FRMPD4: variants seen among roughly 807,000 people sequenced by gnomAD.
FRMPD4 encodes the protein FERM and PDZ domain-containing protein 4.
Under a neutral mutation model 94.1 loss-of-function variants are expected in FRMPD4, and 22 were observed. That is an observed-to-expected ratio of 0.23 (90% CI 0.17 to 0.33). The LOEUF is 0.33. Ranked by LOEUF, FRMPD4 falls within the 10% of genes least tolerant of loss-of-function variation. The pLI, the probability that FRMPD4 is intolerant of heterozygous loss-of-function variation, is 1.00. For synonymous variants in FRMPD4, 631 were observed against 548.6 expected (o/e 1.15, Z -2.10); for missense variants, 1,111 against 1,339.9 (o/e 0.83, Z 2.67).
intron 3 of FRMPD4, among the ~76,000 whole-genome samples, chrX:12,078,100 G>A (rs1055567663): frequency 9.0e-6 from 1 of 111,212 alleles, no homozygotes; most frequent in African/African-American, 3.3e-5. Flanking sequence ...ATCTCCTTGA[G>A]GTCGTAGAAC....
chrX:12,013,475 C>T (rs760008713), intron 3 of FRMPD4, among the ~76,000 whole-genome samples: 1 of 112,478 alleles, frequency 8.9e-6, no homozygotes, highest in Non-Finnish European at 1.9e-5. Flanking sequence ...GTTTTGGCTG[C>T]AGTGCCAGTC....
chrX:12,606,877 G>A (rs1282785330), intron 2 of FRMPD4, among the ~76,000 whole-genome samples: 1 of 111,570 alleles, frequency 9.0e-6, no homozygotes, highest in Non-Finnish European at 1.9e-5. Context: ...GCTCTGAAAT[G>A]GTGCTTTCTT....
intron 1 of FRMPD4, chrX:12,498,476 T>G (rs1384404605): frequency 2.2e-6 from 1 of 444,760 alleles, no homozygotes; most frequent in Non-Finnish European, 4.0e-6. Flanking sequence ...TAGAAAATTC[T>G]CCAGAACCTA....
chrX:11,891,336 G>A (rs1181146438), intron 3 of FRMPD4, among the ~76,000 whole-genome samples: 4 of 112,472 alleles, frequency 3.6e-5, no homozygotes, highest in Admixed American at 9.4e-5. Flanking sequence ...ACAGCTGTGC[G>A]TGGGATGGAA....
intron 3 of FRMPD4, among the ~76,000 whole-genome samples, chrX:12,086,071 CTGTGTGCGTGTGTGTGTA>C (rs1193097047): frequency 0.018 from 1,059 of 57,307 alleles, 8 homozygotes; most frequent in Non-Finnish European, 0.03. Context: ...CTGCCTGTGT[CTGTGTGCGTGTGTGTGTA>C]TGTGTGTGTG....
chrX:12,418,708 G>A (rs928553187), intron 1 of FRMPD4, among the ~76,000 whole-genome samples: 1 of 111,222 alleles, frequency 9.0e-6, no homozygotes, highest in African/African-American at 3.3e-5. Flanking sequence ...TATGTGACAA[G>A]GTTGAGATAA....
chrX:11,993,398 C>T (rs888450220), intron 3 of FRMPD4, among the ~76,000 whole-genome samples: 4 of 111,257 alleles, frequency 3.6e-5, no homozygotes, highest in Admixed American at 9.5e-5. Context: ...CATTGTGTGA[C>T]GCCTAACAGT....
At chrX:12,050,373 T>C (rs776920681) in intron 3 of FRMPD4, among the ~76,000 whole-genome samples, 9 of 112,192 alleles carry the variant, frequency 8.0e-5, no homozygotes, top group Admixed American at 4.7e-4. Context: ...ATATTTAGTA[T>C]AGTAGCATGC....
At chrX:12,568,996 T>C (rs2058737713) in intron 2 of FRMPD4, among the ~76,000 whole-genome samples, 2 of 111,685 alleles carry the variant, frequency 1.8e-5, no homozygotes, top group Admixed American at 1.9e-4. Flanking sequence ...CATGAGTAGA[T>C]TAACGTTGTC....
In FRMPD4 at chrX:12,392,096, C is replaced by CT. The variant is rs1048906898; in HGVS notation, c.42-106584_42-106583insT. Among the ~76,000 whole-genome samples the CT allele has an allele frequency of 1.8e-3, 192 of 109,348 alleles. 1 individual carries two copies. Among genetic ancestry groups the CT allele is most frequent in the African/African-American group, 5.7e-3 (173 of 30,155 alleles). The allele number at this position is 109,348 out of a possible 115,157, so 95.0% of individuals were successfully genotyped here. On this transcript the variant is annotated intron_variant, in intron 1 of 16. Transcript: ENST00000675598. ...TCGCCCAGGCTGCAGTGCAGTGGTGCAATCTTGGCTCACTGCAACCTCTGC... is the reference window on the plus strand; with the variant it reads ...TCGCCCAGGCTGCAGTGCAGTGGTGCTAATCTTGGCTCACTGCAACCTCTGC...
intron 3 of FRMPD4, among the ~76,000 whole-genome samples, chrX:11,950,702 T>A (rs1036800360): frequency 9.0e-6 from 1 of 111,407 alleles, no homozygotes; most frequent in Non-Finnish European, 1.9e-5. Context: ...CACTGATCAT[T>A]AGAGAAGTGC....
chrX:11,912,662 C>T (rs911856021), intron 3 of FRMPD4, among the ~76,000 whole-genome samples: 28 of 111,331 alleles, frequency 2.5e-4, no homozygotes, highest in African/African-American at 9.1e-4. Flanking sequence ...CTTTTAAAAG[C>T]CCCTTCAATA....
At chrX:12,112,413 G>A (rs2055372640) in intron 3 of FRMPD4, among the ~76,000 whole-genome samples, 1 of 110,080 alleles carries the variant, frequency 9.1e-6, no homozygotes, top group South Asian at 4.0e-4. Flanking sequence ...ACTGGGGCTT[G>A]TCATGAGGTG....
intron 1 of FRMPD4, among the ~76,000 whole-genome samples, chrX:12,456,183 C>A (rs375263050): frequency 2.8e-4 from 31 of 112,070 alleles, no homozygotes; most frequent in Middle Eastern, 4.6e-3. Flanking sequence ...ATGTAAATGC[C>A]AACTACATAA....
chrX:12,528,715 G>C (rs2058254179), intron 2 of FRMPD4, among the ~76,000 whole-genome samples: 1 of 111,841 alleles, frequency 8.9e-6, no homozygotes, highest in Non-Finnish European at 1.9e-5. Context: ...ACACTTGCCA[G>C]AGTGAAAAGA....
chrX:12,452,116 C>T (rs1044262146), intron 1 of FRMPD4, among the ~76,000 whole-genome samples: 3 of 110,537 alleles, frequency 2.7e-5, no homozygotes, highest in Non-Finnish European at 3.8e-5. Context: ...ATTGCAAAAC[C>T]GAGACCAACA....
chrX:12,435,038 T>C (rs776468620), intron 1 of FRMPD4, among the ~76,000 whole-genome samples: 1 of 112,211 alleles, frequency 8.9e-6, no homozygotes, highest in Non-Finnish European at 1.9e-5. Flanking sequence ...GAACATAGTA[T>C]GTTACTAGTT....
intron 1 of FRMPD4, among the ~76,000 whole-genome samples, chrX:12,313,796 T>A (rs746175286): frequency 8.9e-6 from 1 of 111,775 alleles, no homozygotes; most frequent in African/African-American, 3.3e-5. Flanking sequence ...ATCTGGTACC[T>A]GACTTGTGCT....
chrX:11,868,479 CTCT>C (rs1320928404), intron 2 of FRMPD4, among the ~76,000 whole-genome samples: 13 of 111,702 alleles, frequency 1.2e-4, no homozygotes, highest in Non-Finnish European at 1.5e-4. Flanking sequence ...AGGCTATTAA[CTCT>C]ACAAAATGTT....
Sources: allele counts gnomAD v4.1 joint callset (sites outside exome capture counted in the v4.1 genomes callset), GRCh38; gene constraint gnomAD v4.1.1; transcripts MANE v1.5; gene names NCBI Gene and HGNC (gene_info 2026-07-23, HGNC 2026-07-21).